The following CNTN3 variants were observed in gnomAD, a reference collection of about 807,000 sequenced individuals.
CNTN3 encodes the protein contactin 3.
A neutral mutation model predicts 119.1 loss-of-function variants in CNTN3; 60 were observed. The observed-to-expected ratio is 0.50, with a 90% CI of 0.41 to 0.62. CNTN3 has a LOEUF of 0.62. Ranked by LOEUF, CNTN3 falls within the 20% of genes least tolerant of loss-of-function variation. The probability of loss-of-function intolerance (pLI) is 0.00; values close to 1 mark genes in which losing one functional copy is unlikely to be tolerated. For missense variants in CNTN3, 1,101 were observed against 1,242.4 expected, an observed-to-expected ratio of 0.89 and a Z score of 1.71; for synonymous variants, 450 against 438.7, an observed-to-expected ratio of 1.03 and a Z score of -0.32.
chr3:74,319,353 A>T (rs1294380534), intron 13 of CNTN3, among the ~76,000 whole-genome samples: 3 of 152,198 alleles, frequency 2.0e-5, no homozygotes. Context: ...GCCCTCAGAA[A>T]TAATGCCGCA....
chr3:74,409,078 TGTCTTACCATG>T (rs1257202312), intron 5 of CNTN3, among the ~76,000 whole-genome samples: 1 of 152,220 alleles, frequency 6.6e-6, no homozygotes, highest in Non-Finnish European at 1.5e-5. Context: ...TTTATCAGGA[TGTCTTACCATG>T]GTCTTGGGTC....
chr3:74,364,330 C>G (rs779797553), intron 10 of CNTN3, 137 bp downstream of exon 10: 1 of 774,060 alleles, frequency 1.3e-6, no homozygotes, highest in East Asian at 2.9e-5. Flanking sequence ...TGATTAGAAA[C>G]TGAATGATCG....
intron 5 of CNTN3, among the ~76,000 whole-genome samples, chr3:74,420,985 C>A (rs1459503195): frequency 1.3e-5 from 2 of 152,134 alleles, no homozygotes; most frequent in Admixed American, 1.3e-4. Context: ...TAAGAGCCCA[C>A]GCTCTTAGCA....
chr3:74,497,462 T>C (rs1316816960), intron 3 of CNTN3, among the ~76,000 whole-genome samples: 1 of 151,878 alleles, frequency 6.6e-6, no homozygotes, highest in East Asian at 1.9e-4. Flanking sequence ...TAACAAGGGG[T>C]TGTTTCTTCT....
chr3:74,538,162 G>C (rs1472968998), intron 1 of CNTN3, among the ~76,000 whole-genome samples: 1 of 152,114 alleles, frequency 6.6e-6, no homozygotes, highest in Non-Finnish European at 1.5e-5. Flanking sequence ...CATCTGAGCT[G>C]ATGAGTTGCA....
intron 2 of CNTN3, among the ~76,000 whole-genome samples, chr3:74,508,580 A>G (rs1703307388): frequency 6.6e-6 from 1 of 152,188 alleles, no homozygotes; most frequent in South Asian, 2.1e-4. Flanking sequence ...TACAACTGAT[A>G]AAGTAAACAT....
At chr3:74,439,338 C>T (rs550839414) in intron 4 of CNTN3, among the ~76,000 whole-genome samples, 1 of 152,174 alleles carries the variant, frequency 6.6e-6, no homozygotes, top group South Asian at 2.1e-4. Context: ...AAAACCCCAC[C>T]TCTACTAAAA....
At chr3:74,442,919 C>T (rs1701990762) in intron 4 of CNTN3, among the ~76,000 whole-genome samples, 1 of 152,184 alleles carries the variant, frequency 6.6e-6, no homozygotes. Flanking sequence ...GGGACTTAAG[C>T]CCATACAGCA....
chr3:74,436,365 C>G (rs1197101600), intron 4 of CNTN3, among the ~76,000 whole-genome samples: 1 of 152,172 alleles, frequency 6.6e-6, no homozygotes, highest in Non-Finnish European at 1.5e-5. Context: ...TTGTCGCCTT[C>G]CACAGACCTC....
intron 19 of CNTN3, among the ~76,000 whole-genome samples, chr3:74,292,583 GATAA>G (rs1278800054): frequency 1.3e-5 from 2 of 152,184 alleles, no homozygotes; most frequent in African/African-American, 2.4e-5. Context: ...TAAATAGATA[GATAA>G]ATAAATAAAG....
chr3:74,595,629 A>C (rs1268180580), intron 1 of CNTN3, among the ~76,000 whole-genome samples: 2 of 152,176 alleles, frequency 1.3e-5, no homozygotes, highest in Admixed American at 1.3e-4. Context: ...GCCTTTGGCA[A>C]AATTCAACAA....
In CNTN3 at chr3:74,584,875, T is replaced by C. The variant is rs534098677; in HGVS notation, c.-81+29516A>G. Reference sequence around the variant, plus strand: ...AAGCAGTACAGCCAGGATTTCGATCTTATCATTAACAACCCTGGCTCTTTC... The same window carrying C: ...AAGCAGTACAGCCAGGATTTCGATCCTATCATTAACAACCCTGGCTCTTTC... On this transcript the variant is annotated intron_variant, in intron 1 of 22. Transcript: ENST00000263665. Among the ~76,000 whole-genome samples the C allele has an allele frequency of 5.3e-5, 8 of 152,268 alleles. No homozygotes were observed. In the East Asian group the frequency reaches 1.5e-3, roughly 29 times the overall value.
chr3:74,319,121 C>A (rs1702914387), intron 13 of CNTN3, among the ~76,000 whole-genome samples: 1 of 152,160 alleles, frequency 6.6e-6, no homozygotes, highest in Admixed American at 6.5e-5. Flanking sequence ...ATGCCATCCC[C>A]ACCAAGCTAC....
At chr3:74,463,000 T>C (rs968630250) in intron 4 of CNTN3, among the ~76,000 whole-genome samples, 2 of 152,144 alleles carry the variant, frequency 1.3e-5, no homozygotes, top group Non-Finnish European at 1.5e-5. Context: ...CGATAAACTA[T>C]GGGTCGATTA....
intron 19 of CNTN3, 104 bp downstream of exon 19, chr3:74,295,017 C>A: frequency 1.4e-6 from 1 of 701,536 alleles, no homozygotes; most frequent in South Asian, 2.9e-5. Flanking sequence ...AAATTTCGGC[C>A]AAAGACAGAC....
At chr3:74,438,851 C>T (rs952045816) in intron 4 of CNTN3, among the ~76,000 whole-genome samples, 10 of 152,094 alleles carry the variant, frequency 6.6e-5, no homozygotes, top group African/African-American at 2.2e-4. Context: ...TCAATTATAG[C>T]AATATTGAAA....
At chr3:74,507,140 C>T (rs942193708) in intron 2 of CNTN3, among the ~76,000 whole-genome samples, 8 of 152,064 alleles carry the variant, frequency 5.3e-5, no homozygotes. Context: ...AATACTAGGC[C>T]TGGTGTGCTG....
chr3:74,356,193 C>G (rs1012394844), intron 11 of CNTN3, among the ~76,000 whole-genome samples: 4 of 152,052 alleles, frequency 2.6e-5, no homozygotes, highest in African/African-American at 9.7e-5. Context: ...TGAGCCCTCA[C>G]CAGACTGGTG....
chr3:74,614,577 G>C lies in CNTN3; in HGVS notation c.-267C>G, dbSNP rs1197567378. On this transcript the variant is annotated 5_prime_UTR_variant, in exon 1 of 23. Coordinates refer to ENST00000263665, the MANE Select transcript of CNTN3 (RefSeq NM_020872.3). ...CCGCACGGTTCCCGGCCCAGTCCACGGCGCCAGCCCGCCCGCCGCTGCCAC... is the reference window on the plus strand; with the variant it reads ...CCGCACGGTTCCCGGCCCAGTCCACCGCGCCAGCCCGCCCGCCGCTGCCAC... 2.0e-5 allele frequency among the ~76,000 whole-genome samples: 3 copies of C among 148,126 alleles called. No homozygotes were observed. Among genetic ancestry groups the C allele is most frequent in the Non-Finnish European group, 3.0e-5 (2 of 66,586 alleles).
Sources: allele counts gnomAD v4.1 joint callset (sites outside exome capture counted in the v4.1 genomes callset), GRCh38; gene constraint gnomAD v4.1.1; transcripts MANE v1.5; gene names NCBI Gene and HGNC (gene_info 2026-07-23, HGNC 2026-07-21).